The following MAPK12 variants were observed in gnomAD, a reference collection of about 807,000 sequenced individuals.
MAPK12 encodes the protein MAP kinase 12.
Under a neutral mutation model 49.1 loss-of-function variants are expected in MAPK12, and 49 were observed. That is an observed-to-expected ratio of 1.00 (90% CI 0.79 to 1.27). The LOEUF (loss-of-function observed/expected upper bound fraction) is 1.27, where lower values mean the gene tolerates loss of function less well. Ranked by LOEUF, MAPK12 falls within the 50% of genes most tolerant of loss-of-function variation. MAPK12 has a pLI of 0.00. For missense variants in MAPK12, 554 were observed against 502.4 expected, an observed-to-expected ratio of 1.10 and a Z score of -0.98; for synonymous variants, 251 against 209.7, an observed-to-expected ratio of 1.20 and a Z score of -1.70.
chr22:50,259,755 G>T (rs1022085727), intron 2 of MAPK12, among the ~76,000 whole-genome samples: 2 of 151,868 alleles, frequency 1.3e-5, no homozygotes, highest in African/African-American at 4.8e-5. Context: ...GTGGTGGCGC[G>T]CGCCTGTAAT....
At chr22:50,260,301 C>G (rs903572899) in intron 2 of MAPK12, among the ~76,000 whole-genome samples, 9 of 151,954 alleles carry the variant, frequency 5.9e-5, no homozygotes, top group African/African-American at 2.2e-4. Flanking sequence ...ACCGGTGGCT[C>G]AGATGACCCA....
chr22:50,256,282 GT>G, intron 6 of MAPK12, 83 bp from the exon 7 acceptor site: 1 of 1,094,076 alleles, frequency 9.1e-7, no homozygotes, highest in Non-Finnish European at 1.3e-6. Flanking sequence ...ACCCCGGGGG[GT>G]TGGACTTGAA....
chr22:50,258,388 A>C lies in MAPK12; in HGVS notation c.256-87T>G, dbSNP rs969466880. ...AGTGGCACAACCCTCTGGGCAGGAA[A>C]CCCCCTCTGCAGCTGTCATTGTCAT... On this transcript the variant is annotated intron_variant, in intron 2 of 11. Coordinates refer to ENST00000215659, the MANE Select transcript of MAPK12 (RefSeq NM_002969.6). The C allele has an allele frequency of 2.7e-6, 3 of 1,126,602 alleles. No individual in the cohort carries two copies. The African/African-American group carries it at 4.6e-5, about 17-fold the overall frequency. The allele number at this position is 1,126,602 out of a possible 1,614,324, so 69.8% of individuals were successfully genotyped here. A position where few individuals can be genotyped will look rare whatever the true frequency, so the allele number is the denominator to read the frequency against.
Position 50,253,488 on chromosome 22 carries a change from G to T in MAPK12, c.1025-8C>A. 5 of 852,864 alleles carry T rather than the reference G, an allele frequency of 5.9e-6. No individual in the cohort carries two copies. Among genetic ancestry groups the T allele is most frequent in the Non-Finnish European group, 7.1e-6 (4 of 560,044 alleles). 52.8% of individuals were successfully genotyped at this position (852,864 alleles called of 1,614,324 possible). A position where few individuals can be genotyped will look rare whatever the true frequency, so the allele number is the denominator to read the frequency against. On this transcript the variant is annotated splice_polypyrimidine_tract_variant and splice_region_variant and intron_variant, in intron 11 of 11. Transcript: ENST00000215659. ...CCTCTTTGTAAGTAACACCTGGCGG[G>T]GGTGGGGGGGCGGGCACAACAGAGA... is the stretch of plus-strand genomic sequence containing the variant.
At chr22:50,260,019 C>T (rs1180174442) in intron 2 of MAPK12, among the ~76,000 whole-genome samples, 44 of 6,968 alleles carry the variant, frequency 6.3e-3, no homozygotes, top group African/African-American at 0.029. Flanking sequence ...GTGTGATGGG[C>T]GGGTGGTGGG....
In MAPK12 at chr22:50,256,639, T is replaced by G; in HGVS notation, c.464A>C (p.Lys155Thr). The G allele has an allele frequency of 6.2e-7, 1 of 1,611,440 alleles. No individual in the cohort carries two copies. Among genetic ancestry groups the G allele is most frequent in the Non-Finnish European group, 8.5e-7 (1 of 1,178,984 alleles). The change falls in exon 6 of 12, where the codon AAG becomes ACG. Residue 155 changes from lysine to threonine, a missense_variant. By Grantham distance (78) the Lys-to-Thr change is moderately conservative. Coordinates refer to ENST00000215659, the MANE Select transcript of MAPK12 (RefSeq NM_002969.6). ...HAAGIIHRDL[K>T]PGNLAVNEDC... The stretch of plus-strand genomic sequence containing the variant: ...TTCGTTCACAGCCAGGTTGCCGGGC[T>G]TCAGGTCCTGGGGGCAGAGGAAAGG...
chr22:50,257,103 G>C lies in MAPK12; in HGVS notation c.405C>G (p.Tyr135Ter). The C allele has an allele frequency of 6.2e-7, 1 of 1,612,662 alleles. No individual in the cohort carries two copies. The highest frequency in any genetic ancestry group is 8.5e-7 in the Non-Finnish European group (1 of 1,179,924). The change falls in exon 4 of 12, where the codon TAC becomes TAG. Residue 135 changes from tyrosine (Y) to a stop codon, truncating the protein, a stop_gained. Transcript: ENST00000215659. LOFTEE classifies it high-confidence loss of function. ...LGEDRIQFLV[Y>*]QMLKGLRYIH... Reference sequence around the variant, plus strand: ...GTACCCTCAGCCCCTTCAGCATCTGGTACACGAGGAACTGGATCCGGTCCT... The same window carrying C: ...GTACCCTCAGCCCCTTCAGCATCTGCTACACGAGGAACTGGATCCGGTCCT...
At chr22:50,253,602 G>C in intron 11 of MAPK12, 122 bp from the exon 12 acceptor site, 1 of 653,210 alleles carries the variant, frequency 1.5e-6, no homozygotes, top group Non-Finnish European at 2.8e-6. Context: ...TCCTAATGTG[G>C]TCTGAACCAC....
Position 50,255,490 on chromosome 22 carries a change from C to T in MAPK12, c.813G>A (p.Lys271=), listed in dbSNP as rs55861809. 1,078 of 1,613,062 alleles carry T rather than the reference C, an allele frequency of 6.7e-4. 18 individuals are homozygous for T. The East Asian group carries it at 0.022, about 32-fold the overall frequency. Residue 271 remains lysine, a synonymous_variant, in exon 10 of 12, where the codon AAG becomes AAA. Coordinates refer to ENST00000215659, the MANE Select transcript of MAPK12 (RefSeq NM_002969.6). ...CATTGGTCAGGATAGAGGCAAAATC[C>T]TTCTTCTCCAATTCGGGGAGGCCCT... is the stretch of plus-strand genomic sequence containing the variant. The part of the protein sequence containing the change: ...YMKGLPELEK[K]DFASILTNAS...
chr22:50,258,028 C>A, intron 3 of MAPK12: 1 of 728,098 alleles, frequency 1.4e-6, no homozygotes. Context: ...GAGGCAGCAG[C>A]CCCAGCTCTG....
intron 3 of MAPK12, 92 bp from the exon 4 acceptor site, chr22:50,257,285 G>C (rs2065160873): frequency 3.2e-6 from 3 of 943,354 alleles, no homozygotes; most frequent in Non-Finnish European, 5.0e-6. Context: ...ACCCGTCCCG[G>C]ATCCAACAGG....
Position 50,253,890 on chromosome 22 carries a change from G to C in MAPK12, c.1025-410C>G, listed in dbSNP as rs2065122865. On this transcript the variant is annotated intron_variant, in intron 11 of 11. Coordinates refer to ENST00000215659, the MANE Select transcript of MAPK12 (RefSeq NM_002969.6). Reference sequence around the variant, plus strand: ...TGGAGGCCCTGCTGCGGGCACCCAGGGACCCGTGGTCGTAAGGAGCACATG... The same window carrying C: ...TGGAGGCCCTGCTGCGGGCACCCAGCGACCCGTGGTCGTAAGGAGCACATG... The C allele has an allele frequency of 1.5e-5, 3 of 202,816 alleles. No homozygotes were observed. The South Asian group carries it at 2.2e-4, about 15-fold the overall frequency. The allele number at this position is 202,816 out of a possible 1,614,324, so 12.6% of individuals were successfully genotyped here.
chr22:50,256,430 C>T lies in MAPK12; in HGVS notation c.504+169G>A, dbSNP rs532222902. Among the ~76,000 whole-genome samples the T allele has an allele frequency of 3.0e-4, 45 of 152,316 alleles. No homozygotes were observed. In the East Asian group the frequency reaches 6.2e-3, roughly 21 times the overall value. The stretch of plus-strand genomic sequence containing the variant: ...CGGGACGGAGCAGGTGCCCTGGGTA[C>T]GGCATGTTGTGTACCACTGCCTCTT... On this transcript the variant is annotated intron_variant, in intron 6 of 11. Coordinates refer to ENST00000215659, the MANE Select transcript of MAPK12 (RefSeq NM_002969.6).
At position 50,261,194 on chromosome 22, in the gene MAPK12, G is replaced by A; in HGVS notation, c.228C>T (p.Arg76=). Reference sequence around the variant, plus strand: ...TCTCGTGGCGCATGTGCTTGAGCAGGCGCAGCTCGCGGTAGGCGCGCTTGG... The same window carrying A: ...TCTCGTGGCGCATGTGCTTGAGCAGACGCAGCTCGCGGTAGGCGCGCTTGG... ...LFAKRAYREL[R]LLKHMRHENV... Residue 76 remains arginine (R), a synonymous_variant, in exon 2 of 12, where the codon CGC becomes CGT. Transcript: ENST00000215659. The A allele has an allele frequency of 6.3e-7, 1 of 1,592,634 alleles. No homozygotes were observed. The highest frequency in any genetic ancestry group is 8.5e-7 in the Non-Finnish European group (1 of 1,170,668).
chr22:50,256,512 C>T lies in MAPK12; in HGVS notation c.504+87G>A, dbSNP rs565698670. The T allele has an allele frequency of 2.8e-5, 42 of 1,511,150 alleles. No individual in the cohort carries two copies. The South Asian group carries it at 5.0e-4, about 18-fold the overall frequency. The allele number at this position is 1,511,150 out of a possible 1,614,324, so 93.6% of individuals were successfully genotyped here. On this transcript the variant is annotated intron_variant, in intron 6 of 11. Transcript: ENST00000215659. The stretch of plus-strand genomic sequence containing the variant: ...TGCCCAGAGCCTGGGACCTTGGCCC[C>T]CTGCCCAGGCCTGACAGGTGGATAG...
intron 2 of MAPK12, among the ~76,000 whole-genome samples, chr22:50,260,248 GGGGCAC>G (rs1332272402): frequency 6.6e-6 from 1 of 151,110 alleles, no homozygotes; most frequent in African/African-American, 2.4e-5. Flanking sequence ...GCTGGTGGAC[GGGGCAC>G]TTTGCTGGTG....
intron 2 of MAPK12, among the ~76,000 whole-genome samples, chr22:50,258,950 T>C (rs1462757015): frequency 6.6e-6 from 1 of 152,046 alleles, no homozygotes; most frequent in South Asian, 2.1e-4. Flanking sequence ...CTTGGATAGT[T>C]TGAAGAATAC....
intron 11 of MAPK12, chr22:50,254,968 G>A: frequency 1.4e-6 from 2 of 1,422,786 alleles, no homozygotes; most frequent in Non-Finnish European, 1.8e-6. Context: ...ATGCTGCCCT[G>A]ACCTCCCATC....
At chr22:50,259,313 G>A (rs2065185008) in intron 2 of MAPK12, among the ~76,000 whole-genome samples, 1 of 152,142 alleles carries the variant, frequency 6.6e-6, no homozygotes, top group Non-Finnish European at 1.5e-5. Flanking sequence ...TGCTTTAGCA[G>A]AAGACGGAGA....
Sources: gnomAD v4.1 joint callset for allele counts (sites outside exome capture counted in the v4.1 genomes callset) on GRCh38, gnomAD v4.1.1 for gene constraint, MANE v1.5 for transcripts, NCBI Gene and HGNC (gene_info 2026-07-23, HGNC 2026-07-21) for gene names.